ENPP3: variants seen among roughly 807,000 people sequenced by gnomAD.
ENPP3 encodes ectonucleotide pyrophosphatase/phosphodiesterase family member 3.
In ENPP3, 104 loss-of-function variants were observed where a neutral mutation model predicts 117.8. That is an observed-to-expected ratio of 0.88 (90% CI 0.75 to 1.04). The LOEUF (loss-of-function observed/expected upper bound fraction) is 1.04. Among genes scored for constraint, ENPP3 ranks in the 50% least tolerant of loss-of-function variants. The probability of loss-of-function intolerance (pLI) is 0.00; values close to 1 mark genes in which losing one functional copy is unlikely to be tolerated. For missense variants in ENPP3, 1,026 were observed against 1,051.9 expected, an observed-to-expected ratio of 0.98 and a Z score of 0.34; for synonymous variants, 380 against 349.9, an observed-to-expected ratio of 1.09 and a Z score of -0.96.
At chr6:131,650,258 T>C in intron 3 of ENPP3, 109 bp downstream of exon 3, 4 of 1,205,026 alleles carry the variant, frequency 3.3e-6, no homozygotes, top group Non-Finnish European at 3.6e-6. Context: ...GTCACTCTGT[T>C]GCCTAGGCTG....
intron 2 of ENPP3, among the ~76,000 whole-genome samples, chr6:131,641,748 T>G (rs1686211646): frequency 6.6e-6 from 1 of 150,930 alleles, no homozygotes; most frequent in Non-Finnish European, 1.5e-5. Context: ...ACCCTGCTCA[T>G]TTGAGACTCA....
intron 2 of ENPP3, 69 bp from the exon 3 acceptor site, chr6:131,649,958 T>C (rs1359279046): frequency 1.9e-6 from 3 of 1,560,950 alleles, no homozygotes; most frequent in Admixed American, 1.7e-5. Context: ...TCCTGTGTGC[T>C]TCCACTGCTT....
chr6:131,642,761 G>C (rs1439554866), intron 2 of ENPP3: 1 of 152,104 alleles, frequency 6.6e-6, no homozygotes, highest in East Asian at 1.9e-4. Flanking sequence ...TGTAGACATG[G>C]GGTCTCACTA....
chr6:131,718,723 G>C lies in ENPP3; in HGVS notation c.1464G>C (p.Glu488Asp), dbSNP rs376812849. 5 of 1,600,056 alleles carry C rather than the reference G, an allele frequency of 3.1e-6. No individual in the cohort carries two copies. The African/African-American group carries it at 6.7e-5, about 22-fold the overall frequency. ...CGGGNHGYNNEFRSMEAIFLA... is the reference protein window; with the variant it reads ...CGGGNHGYNNDFRSMEAIFLA... Reference sequence around the variant, plus strand: ...GAGGCAACCATGGTTATAACAATGAGTTTAGGAGCATGGAGGTAACTTACT... The same window carrying C: ...GAGGCAACCATGGTTATAACAATGACTTTAGGAGCATGGAGGTAACTTACT... Residue 488 changes from glutamate (E) to aspartate (D), a missense_variant, in exon 16 of 25, where the codon GAG becomes GAC. Physicochemically the swap from Glu to Asp is conservative, Grantham distance 45. Transcript: ENST00000357639.
At chr6:131,719,838 C>T (rs566025909) in intron 16 of ENPP3, among the ~76,000 whole-genome samples, 1 of 151,822 alleles carries the variant, frequency 6.6e-6, no homozygotes, top group African/African-American at 2.4e-5. Flanking sequence ...GTAAGTGGAA[C>T]AGGAAGTTAG....
chr6:131,674,432 CTT>C (rs2114384960), intron 8 of ENPP3, 151 bp downstream of exon 8: 1 of 731,022 alleles, frequency 1.4e-6, no homozygotes, highest in Non-Finnish European at 2.4e-6. Context: ...CTATTTGTAA[CTT>C]GAATTTTTAA....
Position 131,671,754 on chromosome 6 carries a change from C to A in ENPP3, c.642+427C>A, listed in dbSNP as rs1562441506. 2.0e-5 allele frequency among the ~76,000 whole-genome samples: 3 copies of A among 152,064 alleles called. No homozygotes were observed. The South Asian group carries it at 6.2e-4, about 32-fold the overall frequency. On this transcript the variant is annotated intron_variant, in intron 7 of 24. Transcript: ENST00000357639. ...AGAACTTCTTTTTCATAAATGAATT[C>A]ACACTGTCTACATCTCTTTAGATAA...
rs1343259745 is a variant in ENPP3, at chr6:131,645,003, T to A, written c.154+3473T>A. On this transcript the variant is annotated intron_variant, in intron 2 of 24. Coordinates refer to ENST00000357639, the MANE Select transcript of ENPP3 (RefSeq NM_005021.5). ...CTAAATCTACATATTTTTTTTCTAG[T>A]TTTTCATTGAGCACTTTTTGAGACC... Among the ~76,000 whole-genome samples the A allele has an allele frequency of 2.0e-5, 3 of 152,278 alleles. No individual in the cohort carries two copies. The East Asian group carries it at 5.8e-4, about 29-fold the overall frequency.
intron 24 of ENPP3, among the ~76,000 whole-genome samples, chr6:131,742,375 T>C (rs1353068552): frequency 6.6e-6 from 1 of 152,130 alleles, no homozygotes; most frequent in Non-Finnish European, 1.5e-5. Flanking sequence ...TAGGTAGATA[T>C]GATGGAGTGA....
At position 131,685,396 on chromosome 6, in the gene ENPP3, T is replaced by C. The variant is rs1422240794; in HGVS notation, c.1153T>C (p.Tyr385His). 6.2e-7 allele frequency: 1 copy of C among 1,612,348 alleles called. No homozygotes were observed. Among genetic ancestry groups the C allele is most frequent in the African/African-American group, 1.3e-5 (1 of 74,892 alleles). The change falls in exon 13 of 25, where the codon TAC becomes CAC. Residue 385 changes from tyrosine to histidine, a missense_variant. Coordinates refer to ENST00000357639, the MANE Select transcript of ENPP3 (RefSeq NM_005021.5). The stretch of plus-strand genomic sequence containing the variant: ...CCAGACTTATTGTAACAAGATGGAA[T>C]ACATGACTGATTATTTTCCCAGAAT... Reference protein sequence around the residue: ...MDQTYCNKMEYMTDYFPRINF... With the variant: ...MDQTYCNKMEHMTDYFPRINF...
chr6:131,666,975 T>C (rs1778630103), intron 6 of ENPP3, among the ~76,000 whole-genome samples: 1 of 152,142 alleles, frequency 6.6e-6, no homozygotes, highest in African/African-American at 2.4e-5. Context: ...GTATGCTAGG[T>C]CCCATTGGTG....
chr6:131,678,124 A>C (rs922097130), intron 11 of ENPP3, among the ~76,000 whole-genome samples, 184 bp downstream of exon 11: 7 of 152,240 alleles, frequency 4.6e-5, no homozygotes, highest in Non-Finnish European at 8.8e-5. Flanking sequence ...TAACCATAAA[A>C]TAGTTGAAAT....
chr6:131,740,354 C>T lies in ENPP3; in HGVS notation c.2431C>T (p.Arg811Ter), dbSNP rs144244117. 4.1e-5 allele frequency: 66 copies of T among 1,610,768 alleles called. No homozygotes were observed. The highest frequency in any genetic ancestry group is 1.1e-4 in the South Asian group (10 of 90,420). The change falls in exon 24 of 25, where the codon CGA (arginine) becomes TGA (stop). Residue 811 changes from arginine (R) to a stop codon, truncating the protein, a stop_gained. Coordinates refer to ENST00000357639, the MANE Select transcript of ENPP3 (RefSeq NM_005021.5). LOFTEE classifies it high-confidence loss of function. ...TGTCCTACCCTTTATCATCCCTCACCGACCTACCAACGTGGAGAGCTGTCC... is the reference window on the plus strand; with the variant it reads ...TGTCCTACCCTTTATCATCCCTCACTGACCTACCAACGTGGAGAGCTGTCC... The part of the protein sequence containing the change: ...LDVLPFIIPH[R>*]PTNVESCPEG...
intron 20 of ENPP3, among the ~76,000 whole-genome samples, chr6:131,729,496 C>T (rs867931246): frequency 3.4e-4 from 52 of 152,306 alleles, no homozygotes; most frequent in African/African-American, 1.2e-3. Flanking sequence ...TCATTTACTT[C>T]TCCAGTAAGA....
rs1192587553 is a variant in ENPP3 at position 131,727,686 on chromosome 6, C to T, written c.1953+1486C>T. Among the ~76,000 whole-genome samples, 13 of 151,848 alleles carry T rather than the reference C, an allele frequency of 8.6e-5. No individual in the cohort carries two copies. In the East Asian group the frequency reaches 2.5e-3, roughly 29 times the overall value. ...GCACAATAGAATTGTCCAGTAAGTG[C>T]TTATTGAATGAAACGCATTGAATGA... On this transcript the variant is annotated intron_variant, in intron 20 of 24. Coordinates refer to ENST00000357639, the MANE Select transcript of ENPP3 (RefSeq NM_005021.5).
chr6:131,747,033 A>G lies in ENPP3; in HGVS notation c.*77A>G. The stretch of plus-strand genomic sequence containing the variant: ...AAATATAAGTGATTTTTTTCTGGAG[A>G]ATTGTAAAATAAAGTTTTCTATTTT... On this transcript the variant is annotated 3_prime_UTR_variant, in exon 25 of 25. Transcript: ENST00000357639. The G allele has an allele frequency of 1.4e-6, 1 of 740,236 alleles. No homozygotes were observed. The highest frequency in any genetic ancestry group is 2.0e-6 in the Non-Finnish European group (1 of 494,252). 45.9% of individuals were successfully genotyped at this position (740,236 alleles called of 1,614,324 possible).
Position 131,683,460 on chromosome 6 carries a change from G to A in ENPP3, c.1120+298G>A, listed in dbSNP as rs541001531. The stretch of plus-strand genomic sequence containing the variant: ...TTATTCAATCTAAAAAGTGCTTTGG[G>A]ACCTTCTTTCCAGCCATGATTCGTT... On this transcript the variant is annotated intron_variant, in intron 12 of 24. Transcript: ENST00000357639. 3.3e-4 allele frequency among the ~76,000 whole-genome samples: 50 copies of A among 152,276 alleles called. 1 individual carries two copies. The highest frequency in any genetic ancestry group is 2.7e-3 in the Admixed American group (42 of 15,290).
chr6:131,676,836 G>A (rs1391977866), intron 10 of ENPP3, 35 bp downstream of exon 10: 2 of 1,383,924 alleles, frequency 1.4e-6, no homozygotes, highest in Admixed American at 1.8e-5. Context: ...CTGGCATAGT[G>A]GCATATATAT....
rs1261665857 is a variant in ENPP3 at position 131,746,852 on chromosome 6, G to T, written c.2524G>T (p.Val842Leu). The T allele has an allele frequency of 1.2e-6, 2 of 1,613,566 alleles. No individual in the cohort carries two copies. The highest frequency in any genetic ancestry group is 1.7e-6 in the Non-Finnish European group (2 of 1,179,728). ...AGCTCACATTGCCCGGGTCCGTGAT[G>T]TAGAACTTCTCACTGGGCTTGACTT... ...FTAHIARVRD[V>L]ELLTGLDFYQ... The change falls in exon 25 of 25, where the codon GTA becomes TTA. Residue 842 changes from valine (V) to leucine (L), a missense_variant. Transcript: ENST00000357639.
Sources: allele counts gnomAD v4.1 joint callset (sites outside exome capture counted in the v4.1 genomes callset), GRCh38; gene constraint gnomAD v4.1.1; transcripts MANE v1.5; gene names NCBI Gene and HGNC (gene_info 2026-07-23, HGNC 2026-07-21).